The following NIBAN1 variants were observed in gnomAD, a reference collection of about 807,000 sequenced individuals.
The protein encoded by NIBAN1 is protein Niban 1.
A neutral mutation model predicts 75.1 loss-of-function variants in NIBAN1; 81 were observed. The ratio of observed to expected loss-of-function variants is 1.08; its 90% CI spans 0.90 to 1.30. The LOEUF (loss-of-function observed/expected upper bound fraction) is 1.30. Among genes scored for constraint, NIBAN1 ranks in the 50% most tolerant of loss-of-function variants. The probability of loss-of-function intolerance (pLI) is 0.00; values close to 1 mark genes in which losing one functional copy is unlikely to be tolerated. For missense variants in NIBAN1, 1,133 were observed against 1,128.1 expected, an observed-to-expected ratio of 1.00 and a Z score of -0.06; for synonymous variants, 436 against 424.8, an observed-to-expected ratio of 1.03 and a Z score of -0.32.
chr1:184,924,477 T>C (rs1313324299), intron 1 of NIBAN1, among the ~76,000 whole-genome samples: 1 of 152,214 alleles, frequency 6.6e-6, no homozygotes, highest in Non-Finnish European at 1.5e-5. Context: ...TGCATCAACA[T>C]CCATCAACAA....
intron 5 of NIBAN1, among the ~76,000 whole-genome samples, chr1:184,873,148 G>C (rs994360241): frequency 6.6e-5 from 10 of 152,236 alleles, no homozygotes; most frequent in Admixed American, 5.9e-4. Flanking sequence ...TCAAGAATAC[G>C]AATGAGATAA....
intron 1 of NIBAN1, among the ~76,000 whole-genome samples, chr1:184,970,520 C>A (rs190451143): frequency 2.0e-5 from 3 of 152,172 alleles, no homozygotes; most frequent in African/African-American, 7.2e-5. Flanking sequence ...CCTAAGTTAA[C>A]CCTTGTATAA....
intron 1 of NIBAN1, among the ~76,000 whole-genome samples, chr1:184,903,526 G>T (rs897420687): frequency 3.3e-5 from 5 of 151,998 alleles, no homozygotes; most frequent in Non-Finnish European, 5.9e-5. Context: ...GTGTGTTCTT[G>T]TTCCCTTAGT....
At chr1:184,959,210 C>T (rs1209564608) in intron 1 of NIBAN1, among the ~76,000 whole-genome samples, 3 of 151,670 alleles carry the variant, frequency 2.0e-5, no homozygotes, top group Admixed American at 1.3e-4. Flanking sequence ...TCCCAGTGTA[C>T]ATTCAGTTCT....
chr1:184,895,614 A>G (rs1656778243), intron 2 of NIBAN1, among the ~76,000 whole-genome samples: 1 of 152,108 alleles, frequency 6.6e-6, no homozygotes, highest in Non-Finnish European at 1.5e-5. Context: ...TTACATGGGT[A>G]TTACGTGTAA....
At chr1:184,797,137 CT>C (rs56272970) in intron 13 of NIBAN1, among the ~76,000 whole-genome samples, 70 of 130,580 alleles carry the variant, frequency 5.4e-4, no homozygotes, top group Middle Eastern at 4.0e-3. Context: ...CCTTCTCCAG[CT>C]TTTTTTTTTT....
intron 5 of NIBAN1, among the ~76,000 whole-genome samples, chr1:184,832,511 T>A (rs1655026168): frequency 6.6e-6 from 1 of 152,192 alleles, no homozygotes; most frequent in African/African-American, 2.4e-5. Context: ...CATTGAGACC[T>A]CACAAAAACC....
chr1:184,944,355 A>G (rs1296369830), intron 1 of NIBAN1, among the ~76,000 whole-genome samples: 1 of 152,244 alleles, frequency 6.6e-6, no homozygotes, highest in African/African-American at 2.4e-5. Context: ...ACAGAGAAGC[A>G]GCATTGGCAT....
intron 1 of NIBAN1, among the ~76,000 whole-genome samples, chr1:184,958,145 T>A (rs1368607221): frequency 6.6e-6 from 1 of 152,104 alleles, no homozygotes; most frequent in Non-Finnish European, 1.5e-5. Flanking sequence ...GGCAGGTGGA[T>A]CACTTGAGGT....
intron 1 of NIBAN1, among the ~76,000 whole-genome samples, chr1:184,933,005 T>C (rs78327022): frequency 0.023 from 3,569 of 152,300 alleles, 120 homozygotes; most frequent in African/African-American, 0.081. Context: ...TCCTCCTAAA[T>C]TTGACTAGAG....
At chr1:184,965,779 C>T (rs537250748) in intron 1 of NIBAN1, among the ~76,000 whole-genome samples, 152 of 152,180 alleles carry the variant, frequency 1.0e-3, no homozygotes, top group African/African-American at 3.6e-3. Context: ...CAAACCTGCA[C>T]GCGCTGCACA....
intron 1 of NIBAN1, among the ~76,000 whole-genome samples, chr1:184,948,043 T>A (rs1177837334): frequency 6.6e-6 from 1 of 151,464 alleles, no homozygotes; most frequent in Non-Finnish European, 1.5e-5. Context: ...AATGGAAAAA[T>A]AATGGAGAAA....
At chr1:184,836,122 G>T (rs1446661429) in intron 5 of NIBAN1, among the ~76,000 whole-genome samples, 5 of 152,150 alleles carry the variant, frequency 3.3e-5, no homozygotes, top group Non-Finnish European at 7.4e-5. Context: ...TTAAAGTCTT[G>T]CTATAAAATT....
intron 5 of NIBAN1, among the ~76,000 whole-genome samples, chr1:184,879,549 T>C (rs574391624): frequency 4.0e-5 from 6 of 151,542 alleles, no homozygotes; most frequent in Non-Finnish European, 8.8e-5. Flanking sequence ...CTGGGGAAAA[T>C]AGAGCTGAGA....
At position 184,852,275 on chromosome 1, in the gene NIBAN1, T is replaced by C. The variant is rs114852273; in HGVS notation, c.602-20313A>G. ...AAAATCCTTACAGCCTGGAACACTT[T>C]TGAGGTTTGTCACGAATGTCCTTGA... On this transcript the variant is annotated intron_variant, in intron 5 of 13. Transcript: ENST00000367511. Among the ~76,000 whole-genome samples the C allele has an allele frequency of 4.0e-3, 607 of 152,332 alleles. 7 individuals carry two copies. Among genetic ancestry groups the C allele is most frequent in the African/African-American group, 0.014 (564 of 41,580 alleles).
chr1:184,934,172 C>T (rs762796753), intron 1 of NIBAN1, among the ~76,000 whole-genome samples: 2 of 152,132 alleles, frequency 1.3e-5, no homozygotes, highest in South Asian at 2.1e-4. Flanking sequence ...TTTGCAGCAA[C>T]ATAATTGCAG....
intron 1 of NIBAN1, among the ~76,000 whole-genome samples, chr1:184,912,830 CA>C (rs1335598130): frequency 6.6e-6 from 1 of 152,118 alleles, no homozygotes; most frequent in Non-Finnish European, 1.5e-5. Context: ...CATTTACGTG[CA>C]AACTATGGAA....
chr1:184,966,163 C>T (rs1391246524), intron 1 of NIBAN1, among the ~76,000 whole-genome samples: 2 of 152,146 alleles, frequency 1.3e-5, no homozygotes, highest in Non-Finnish European at 2.9e-5. Context: ...GTGTTCATGC[C>T]TGTGTGTAGT....
Position 184,884,639 on chromosome 1 carries a change from T to C in NIBAN1, c.595A>G (p.Asn199Asp). 3 of 1,614,064 alleles carry C rather than the reference T, an allele frequency of 1.9e-6. No homozygotes were observed. The highest frequency in any genetic ancestry group is 2.5e-6 in the Non-Finnish European group (3 of 1,179,968). Residue 199 changes from asparagine (N) to aspartate (D), a missense_variant, in exon 5 of 14, where the codon AAT (asparagine) becomes GAT (aspartate). By Grantham distance (23) the Asn-to-Asp change is conservative. Coordinates refer to ENST00000367511, the MANE Select transcript of NIBAN1 (RefSeq NM_052966.4). ...ALLSDCVRHLNHDYMKQMTFE... is the reference protein window; with the variant it reads ...ALLSDCVRHLDHDYMKQMTFE... Reference sequence around the variant, plus strand: ...GAGGGGAGCCGCGCCATACCATGATTGAGATGCCTGACGCAGTCACTCAGG... The same window carrying C: ...GAGGGGAGCCGCGCCATACCATGATCGAGATGCCTGACGCAGTCACTCAGG...
Sources: allele counts gnomAD v4.1 joint callset (sites outside exome capture counted in the v4.1 genomes callset), GRCh38; gene constraint gnomAD v4.1.1; transcripts MANE v1.5; gene names NCBI Gene and HGNC (gene_info 2026-07-23, HGNC 2026-07-21).